Variants in TENM3 observed in about 807,000 individuals in gnomAD.
The protein encoded by TENM3 is teneurin-3.
A neutral mutation model predicts 255.1 loss-of-function variants in TENM3; 63 were observed. That is an observed-to-expected ratio of 0.25 (90% CI 0.20 to 0.30). The LOEUF is 0.30. Ranked by LOEUF, TENM3 falls within the 10% of genes least tolerant of loss-of-function variation. The probability of loss-of-function intolerance (pLI) is 1.00; values close to 1 mark genes in which losing one functional copy is unlikely to be tolerated. For synonymous variants in TENM3, 1,306 were observed against 1,322.3 expected (o/e 0.99, Z 0.27); for missense variants, 2,929 against 3,461.1 (o/e 0.85, Z 3.86).
the TENM3 span, among the ~76,000 whole-genome samples, chr4:182,045,600 G>T: frequency 2.0e-5 from 3 of 152,026 alleles, no homozygotes; most frequent in Non-Finnish European, 4.4e-5. Context: ...GGACTTGTTG[G>T]GGCTGTCCCA....
chr4:181,576,826 T>C, the TENM3 span, among the ~76,000 whole-genome samples: 1 of 142,896 alleles, frequency 7.0e-6, no homozygotes, highest in African/African-American at 2.6e-5. Context: ...TTTTTTTTTT[T>C]TTTTGAGACG....
chr4:182,293,763 T>C (rs2150336665), intron 1 of TENM3, among the ~76,000 whole-genome samples: 1 of 152,112 alleles, frequency 6.6e-6, no homozygotes, highest in Non-Finnish European at 1.5e-5. Flanking sequence ...CCACCCCGAG[T>C]CCCTTCCAAA....
chr4:181,553,076 T>C, the TENM3 span, among the ~76,000 whole-genome samples: 4 of 152,290 alleles, frequency 2.6e-5, no homozygotes, highest in African/African-American at 4.8e-5. Flanking sequence ...TCACTTGATA[T>C]GGGGCTTGAA....
chr4:181,932,715 A>G, the TENM3 span, among the ~76,000 whole-genome samples: 1 of 152,182 alleles, frequency 6.6e-6, no homozygotes, highest in Non-Finnish European at 1.5e-5. Flanking sequence ...ACATGCACAC[A>G]TATGTTTATT....
At chr4:182,294,746 A>G (rs918211285) in intron 1 of TENM3, among the ~76,000 whole-genome samples, 14 of 152,200 alleles carry the variant, frequency 9.2e-5, no homozygotes, top group African/African-American at 3.4e-4. Context: ...ATCACTTCCC[A>G]TCAATGGATA....
the TENM3 span, among the ~76,000 whole-genome samples, chr4:181,642,050 G>C: frequency 6.6e-6 from 1 of 151,592 alleles, no homozygotes; most frequent in Non-Finnish European, 1.5e-5. Flanking sequence ...TGGCCACACT[G>C]TTTTTCACAA....
chr4:182,669,699 T>C (rs1302095720), intron 6 of TENM3, among the ~76,000 whole-genome samples: 1 of 152,168 alleles, frequency 6.6e-6, no homozygotes, highest in Non-Finnish European at 1.5e-5. Context: ...TTATATGAAA[T>C]AGACAAATTT....
the TENM3 span, among the ~76,000 whole-genome samples, chr4:181,580,352 G>A: frequency 1.3e-5 from 2 of 152,080 alleles, no homozygotes; most frequent in African/African-American, 4.8e-5. Flanking sequence ...CCCCGACTGA[G>A]AGGCTCCTGG....
At chr4:181,655,434 TGAG>T in the TENM3 span, among the ~76,000 whole-genome samples, 7 of 152,322 alleles carry the variant, frequency 4.6e-5, no homozygotes, top group Middle Eastern at 3.4e-3. Context: ...AAAGCTGTAC[TGAG>T]GATCTATTAT....
rs139392261 is a variant in TENM3 at position 182,577,727 on chromosome 4, A to T, written c.512-23197A>T. Reference sequence around the variant, plus strand: ...GGGGAATCTATTTTTATTAGCGTGAATATCTATGGTTTTCATGCACATAGG... The same window carrying T: ...GGGGAATCTATTTTTATTAGCGTGATTATCTATGGTTTTCATGCACATAGG... On this transcript the variant is annotated intron_variant, in intron 3 of 27. Transcript: ENST00000511685. Among the ~76,000 whole-genome samples the T allele has an allele frequency of 2.7e-3, 412 of 152,268 alleles. 1 individual carries two copies. Among genetic ancestry groups the T allele is most frequent in the African/African-American group, 9.1e-3 (379 of 41,560 alleles).
chr4:181,786,707 T>G, the TENM3 span, among the ~76,000 whole-genome samples: 1 of 151,934 alleles, frequency 6.6e-6, no homozygotes, highest in Non-Finnish European at 1.5e-5. Context: ...CTTTTTTTTT[T>G]TTTTTCCTGG....
In TENM3 at chr4:182,230,453, C is replaced by G. The variant is rs190851040; in HGVS notation, c.-76+85699C>G. On this transcript the variant is annotated intron_variant, in intron 1 of 2. Transcript: ENST00000512480. ...CACTTCCTTCTGAACCCTGGCGAAC[C>G]TCTTGATTAGGAGAATATTTGTTGG... Among the ~76,000 whole-genome samples, 211 of 152,186 alleles carry G rather than the reference C, an allele frequency of 1.4e-3. 1 individual carries two copies. Among genetic ancestry groups the G allele is most frequent in the Non-Finnish European group, 2.7e-3 (187 of 68,012 alleles).
rs1164717175 is a variant in TENM3 at position 182,802,957 on chromosome 4, C to G, written c.*2606C>G. The G allele has an allele frequency of 4.6e-5, 7 of 152,490 alleles. No individual in the cohort carries two copies. The allele number at this position is 152,490 out of a possible 1,614,324, so 9.4% of individuals were successfully genotyped here. On this transcript the variant is annotated 3_prime_UTR_variant, in exon 28 of 28. Coordinates refer to ENST00000511685, the MANE Select transcript of TENM3 (RefSeq NM_001080477.4). The stretch of plus-strand genomic sequence containing the variant: ...TTGCCTTCTTAACTTTATATGTGAC[C>G]TGAATTTTCCATAACTTGATGACTA...
chr4:181,605,542 GAAAGAAAGAAAGAAAGAAAGAAAGAA>G, the TENM3 span, among the ~76,000 whole-genome samples: 231 of 25,836 alleles, frequency 8.9e-3, 28 homozygotes, highest in Non-Finnish European at 0.011. Context: ...AAGAAAGAAA[GAAAGAAAGAAAGAAAGAAAGAAAGAA>G]AGAGAGAGAA....
At chr4:181,590,202 G>C in the TENM3 span, among the ~76,000 whole-genome samples, 1 of 152,136 alleles carries the variant, frequency 6.6e-6, no homozygotes, top group Non-Finnish European at 1.5e-5. Context: ...ATGCCAAGTA[G>C]AATGGAGAAG....
chr4:182,417,678 T>G (rs1212417863), intron 3 of TENM3, among the ~76,000 whole-genome samples: 2 of 152,184 alleles, frequency 1.3e-5, no homozygotes, highest in African/African-American at 2.4e-5. Context: ...GAAGCAAAGA[T>G]GAAAATAGGT....
At chr4:181,800,191 G>A in the TENM3 span, among the ~76,000 whole-genome samples, 2 of 152,210 alleles carry the variant, frequency 1.3e-5, no homozygotes, top group African/African-American at 4.8e-5. Context: ...TCCTAACCGT[G>A]TAATGACCTA....
chr4:182,023,491 T>C, the TENM3 span, among the ~76,000 whole-genome samples: 1 of 152,200 alleles, frequency 6.6e-6, no homozygotes, highest in Non-Finnish European at 1.5e-5. Flanking sequence ...AAAAAAGATA[T>C]AAGTACTCTG....
At chr4:181,974,366 G>A in the TENM3 span, among the ~76,000 whole-genome samples, 2 of 152,096 alleles carry the variant, frequency 1.3e-5, no homozygotes, top group African/African-American at 2.4e-5. Context: ...TCAGGAGTCC[G>A]AGACTAGCCT....
Sources: gnomAD v4.1 joint callset for allele counts (sites outside exome capture counted in the v4.1 genomes callset) on GRCh38, gnomAD v4.1.1 for gene constraint, MANE v1.5 for transcripts, NCBI Gene and HGNC (gene_info 2026-07-23, HGNC 2026-07-21) for gene names.